THBS4: variants seen among roughly 807,000 people sequenced by gnomAD.
THBS4 encodes thrombospondin 4, also known as thrombospondin-4.
Under a neutral mutation model 115.7 loss-of-function variants are expected in THBS4, and 90 were observed. The observed-to-expected ratio is 0.78, with a 90% CI of 0.66 to 0.93. THBS4 has a LOEUF of 0.93. THBS4 is among the 40% of genes least tolerant of loss of function. The pLI, the probability that THBS4 is intolerant of heterozygous loss-of-function variation, is 0.00. For missense variants in THBS4, 1,087 were observed against 1,232.7 expected, an observed-to-expected ratio of 0.88 and a Z score of 1.77; for synonymous variants, 460 against 479.3, an observed-to-expected ratio of 0.96 and a Z score of 0.53.
upstream of THBS4, chr5:80,033,230 G>A (rs529381313): frequency 1.1e-4 from 48 of 449,576 alleles, no homozygotes; most frequent in African/African-American, 8.2e-4. Context: ...GGGAACACAC[G>A]TCCAGACTCT....
At chr5:79,996,162 A>G (rs1831789979) in intron 1 of THBS4, among the ~76,000 whole-genome samples, 1 of 151,992 alleles carries the variant, frequency 6.6e-6, no homozygotes, top group Admixed American at 6.6e-5. Context: ...AAGGCGGAAT[A>G]ATTTAGAGAC....
intron 2 of THBS4, chr5:80,052,802 T>C (rs1226891894): frequency 6.6e-6 from 1 of 152,238 alleles, no homozygotes; most frequent in East Asian, 1.9e-4. Flanking sequence ...TCCACAATAG[T>C]GATTATTATC....
chr5:80,080,584 T>TTTTTTTTTTTTTC, intron 20 of THBS4, among the ~76,000 whole-genome samples: 1 of 127,644 alleles, frequency 7.8e-6, no homozygotes, highest in Non-Finnish European at 1.7e-5. Context: ...TGTATCTTTT[T>TTTTTTTTTTTTTC]TTTTTTTTTT....
In THBS4 at chr5:80,035,694, GACTTGC is replaced by G; in HGVS notation, c.88+70_88+75del. On this transcript the variant is annotated intron_variant, in intron 1 of 21. Transcript: ENST00000350881. This position sits in a 1 kb window ranked among gnomAD's most constrained non-coding sequence, Gnocchi z 4.6. ...GCCCCATCTGCTGAGTGAGTGGAGG[GACTTGC>G]TCGGCCCTGTGCTCCTGTGGCCTTG... The G allele has an allele frequency of 9.0e-7, 1 of 1,106,704 alleles. No individual in the cohort carries two copies. 68.6% of individuals were successfully genotyped at this position (1,106,704 alleles called of 1,614,324 possible).
chr5:80,082,955 G>A, intron 21 of THBS4, 125 bp from the exon 22 acceptor site: 1 of 802,742 alleles, frequency 1.2e-6, no homozygotes, highest in Non-Finnish European at 2.1e-6. Context: ...ATGGCGGCGA[G>A]GGCCTGCGGG....
intron 2 of THBS4, among the ~76,000 whole-genome samples, chr5:80,013,496 T>C (rs996728095): frequency 6.6e-6 from 1 of 152,172 alleles, no homozygotes; most frequent in Non-Finnish European, 1.5e-5. Flanking sequence ...CATTGTCATA[T>C]TTTAAGAATA....
intron 1 of THBS4, among the ~76,000 whole-genome samples, chr5:79,993,308 G>C (rs1054713158): frequency 2.8e-4 from 42 of 152,132 alleles, no homozygotes; most frequent in African/African-American, 9.7e-4. Context: ...AGTTCCTCTT[G>C]AGAGTCTGTA....
intron 2 of THBS4, among the ~76,000 whole-genome samples, chr5:80,015,966 A>G (rs1209236241): frequency 6.6e-6 from 1 of 152,178 alleles, no homozygotes; most frequent in Non-Finnish European, 1.5e-5. Flanking sequence ...GGTGATGTTT[A>G]ATGGGGTCAG....
chr5:80,074,602 C>T (rs1743099109), intron 15 of THBS4, among the ~76,000 whole-genome samples: 1 of 151,588 alleles, frequency 6.6e-6, no homozygotes, highest in Non-Finnish European at 1.5e-5. Flanking sequence ...AGGACAGCTC[C>T]TATGAAGCCA....
chr5:80,040,297 A>T lies in THBS4; in HGVS notation c.292+17A>T, dbSNP rs772816812. 2.5e-5 allele frequency: 40 copies of T among 1,592,488 alleles called. No homozygotes were observed. Among genetic ancestry groups the T allele is most frequent in the Non-Finnish European group, 3.4e-5 (40 of 1,164,804 alleles). ...TAAACAAAGGTAAGCAAATTTGCTG[A>T]AATTATTTTCTTAAAAATCTCCTTT... On this transcript the variant is annotated intron_variant, in intron 2 of 21. Coordinates refer to ENST00000350881, the MANE Select transcript of THBS4 (RefSeq NM_003248.6).
chr5:80,074,761 G>T (rs182669493), intron 15 of THBS4, among the ~76,000 whole-genome samples: 3 of 151,924 alleles, frequency 2.0e-5, no homozygotes, highest in Admixed American at 6.6e-5. Context: ...TTACAGGTGT[G>T]TGCCACCATG....
At chr5:80,070,507 G>A (rs536559151) in intron 11 of THBS4, 97 bp downstream of exon 11, 1 of 1,427,848 alleles carries the variant, frequency 7.0e-7, no homozygotes. Flanking sequence ...ATTTAAAATT[G>A]TACTTGTAAA....
intron 2 of THBS4, among the ~76,000 whole-genome samples, chr5:80,044,299 A>C (rs1832992229): frequency 6.6e-6 from 1 of 152,240 alleles, no homozygotes; most frequent in Admixed American, 6.5e-5. Context: ...GAAGTAGTTC[A>C]TGGATAGATT....
At chr5:80,013,695 G>C (rs1208370377) in intron 2 of THBS4, among the ~76,000 whole-genome samples, 1 of 152,070 alleles carries the variant, frequency 6.6e-6, no homozygotes, top group Non-Finnish European at 1.5e-5. Context: ...TTAAACCCCA[G>C]CTCTACCATT....
At chr5:80,009,015 A>G (rs923907237) in intron 2 of THBS4, among the ~76,000 whole-genome samples, 3 of 152,196 alleles carry the variant, frequency 2.0e-5, no homozygotes, top group Admixed American at 6.5e-5. Flanking sequence ...ATGGCTGAGG[A>G]ACTAGAGAGC....
chr5:80,059,429 C>G lies in THBS4; in HGVS notation c.733-11C>G. 6.2e-7 allele frequency: 1 copy of G among 1,613,112 alleles called. No homozygotes were observed. The highest frequency in any genetic ancestry group is 8.5e-7 in the Non-Finnish European group (1 of 1,179,618). On this transcript the variant is annotated splice_polypyrimidine_tract_variant and intron_variant, in intron 5 of 21. Coordinates refer to ENST00000350881, the MANE Select transcript of THBS4 (RefSeq NM_003248.6). ...CTTTTCAATCCTTTTTTCCCCTTCT[C>G]ATTTTTAAAGGTTAAGGAAACATCA...
At chr5:79,997,565 T>TAC (rs1580898159) in intron 1 of THBS4, among the ~76,000 whole-genome samples, 1 of 151,612 alleles carries the variant, frequency 6.6e-6, no homozygotes, top group East Asian at 1.9e-4. Flanking sequence ...AACTATAACA[T>TAC]AAGCTATAGT....
chr5:80,018,883 G>A (rs980188333), intron 2 of THBS4, among the ~76,000 whole-genome samples: 1 of 152,024 alleles, frequency 6.6e-6, no homozygotes, highest in Non-Finnish European at 1.5e-5. Flanking sequence ...TGTGCCTTTT[G>A]CCTAGTATAC....
intron 2 of THBS4, chr5:80,019,630 G>T (rs1197078045): frequency 1.3e-5 from 2 of 156,268 alleles, no homozygotes; most frequent in African/African-American, 4.8e-5. Context: ...AATGGATGTG[G>T]ATACCCCAAG....
Sources: gnomAD v4.1 joint callset for allele counts (sites outside exome capture counted in the v4.1 genomes callset) on GRCh38, gnomAD v4.1.1 for gene constraint, Gnocchi (gnomAD v3.1) non-coding constraint, MANE v1.5 for transcripts, NCBI Gene and HGNC (gene_info 2026-07-23, HGNC 2026-07-21) for gene names.